The following TEAD1 variants were observed in gnomAD, a reference collection of about 807,000 sequenced individuals.
TEAD1 encodes transcriptional enhancer factor TEF-1.
TEAD1 carries 9 observed loss-of-function variants against 54.9 expected under a neutral mutation model. That is an observed-to-expected ratio of 0.16 (90% CI 0.10 to 0.29). TEAD1 has a LOEUF of 0.29. Ranked by LOEUF, TEAD1 falls within the 10% of genes least tolerant of loss-of-function variation. TEAD1 has a pLI of 1.00. For synonymous variants in TEAD1, 200 were observed against 187.8 expected, an observed-to-expected ratio of 1.07 and a Z score of -0.53; for missense variants, 387 against 535.9, an observed-to-expected ratio of 0.72 and a Z score of 2.74.
rs1421256677 is a variant in TEAD1 at position 12,903,048 on chromosome 11, G to A, written c.873+935G>A. Among the ~76,000 whole-genome samples, 40 of 152,144 alleles carry A rather than the reference G, an allele frequency of 2.6e-4. 2 individuals are homozygous for A. Among genetic ancestry groups the A allele is most frequent in the Admixed American group, 2.6e-3 (40 of 15,262 alleles). ...CCCTTCCTCTGGGCTCTGCCTCAGG[G>A]GGCCTTATTCATATAGTGGCTTCCT... On this transcript the variant is annotated intron_variant, in intron 10 of 12. Coordinates refer to ENST00000527636, the MANE Select transcript of TEAD1 (RefSeq NM_021961.6).
intron 3 of TEAD1, among the ~76,000 whole-genome samples, chr11:12,811,241 G>A (rs982017854): frequency 1.3e-5 from 2 of 152,216 alleles, no homozygotes; most frequent in African/African-American, 4.8e-5. Flanking sequence ...CACACATCCT[G>A]TGGATGGTGT....
chr11:12,916,927 G>A (rs1948723961), intron 10 of TEAD1, among the ~76,000 whole-genome samples: 1 of 152,196 alleles, frequency 6.6e-6, no homozygotes, highest in Admixed American at 6.5e-5. Context: ...TTACAGAAGT[G>A]TTCTTCGGTC....
intron 3 of TEAD1, among the ~76,000 whole-genome samples, chr11:12,852,589 A>G (rs934773651): frequency 6.6e-6 from 1 of 152,024 alleles, no homozygotes; most frequent in Non-Finnish European, 1.5e-5. Context: ...CTGGGATTAC[A>G]GGTGTGTGCC....
chr11:12,846,213 A>G (rs1009817861), intron 3 of TEAD1, among the ~76,000 whole-genome samples: 1 of 152,180 alleles, frequency 6.6e-6, no homozygotes, highest in Admixed American at 6.5e-5. Context: ...TCTGAACAAA[A>G]TGTTGCCTGC....
chr11:12,903,068 C>T (rs548151326), intron 10 of TEAD1, among the ~76,000 whole-genome samples: 2 of 152,254 alleles, frequency 1.3e-5, no homozygotes, highest in African/African-American at 4.8e-5. Context: ...CATATAGTGG[C>T]TTCCTTTTTT....
chr11:12,831,303 C>A (rs1482758828), intron 3 of TEAD1, among the ~76,000 whole-genome samples: 2 of 152,100 alleles, frequency 1.3e-5, no homozygotes, highest in African/African-American at 2.4e-5. Flanking sequence ...TTCTCCTGCC[C>A]CCTCTGCCAG....
At chr11:12,834,760 A>AT (rs2134022660) in intron 3 of TEAD1, among the ~76,000 whole-genome samples, 1 of 77,672 alleles carries the variant, frequency 1.3e-5, no homozygotes, top group South Asian at 3.5e-4. Flanking sequence ...CTCTGTGCCC[A>AT]CTCTTTTTTT....
chr11:12,818,178 G>A (rs1946455962), intron 3 of TEAD1, among the ~76,000 whole-genome samples: 2 of 152,178 alleles, frequency 1.3e-5, no homozygotes, highest in African/African-American at 2.4e-5. Context: ...GAATGGAATT[G>A]CATGCTTACT....
intron 3 of TEAD1, among the ~76,000 whole-genome samples, chr11:12,804,844 G>GC (rs1166020273): frequency 6.6e-6 from 1 of 152,172 alleles, no homozygotes; most frequent in African/African-American, 2.4e-5. Flanking sequence ...TCAGAGGGCA[G>GC]CACCCCAGAT....
At chr11:12,849,160 G>T (rs559779698) in intron 3 of TEAD1, 1 of 152,332 alleles carries the variant, frequency 6.6e-6, no homozygotes, top group Non-Finnish European at 1.5e-5. Flanking sequence ...CGATTCTCCT[G>T]CCTCAGCCTC....
At chr11:12,824,774 G>A (rs1191370785) in intron 3 of TEAD1, among the ~76,000 whole-genome samples, 3 of 152,154 alleles carry the variant, frequency 2.0e-5, no homozygotes, top group Non-Finnish European at 4.4e-5. Context: ...AGAGAGGGTT[G>A]ATGGGGCCGG....
chr11:12,689,166 C>T (rs1009669781), intron 2 of TEAD1, among the ~76,000 whole-genome samples: 1 of 152,134 alleles, frequency 6.6e-6, no homozygotes, highest in African/African-American at 2.4e-5. Context: ...ACCCTTTCTC[C>T]TCTGCTCTTA....
At chr11:12,909,664 G>A (rs1232726041) in intron 10 of TEAD1, among the ~76,000 whole-genome samples, 2 of 152,088 alleles carry the variant, frequency 1.3e-5, no homozygotes, top group Non-Finnish European at 2.9e-5. Context: ...AAACAAAAAA[G>A]CATCTTCTCC....
intron 2 of TEAD1, among the ~76,000 whole-genome samples, chr11:12,727,068 C>T (rs1481378819): frequency 2.0e-5 from 3 of 151,826 alleles, no homozygotes; most frequent in African/African-American, 4.8e-5. Flanking sequence ...GGTGAAACCC[C>T]GTCTCTACTA....
At chr11:12,875,154 C>T (rs1947829333) in intron 5 of TEAD1, among the ~76,000 whole-genome samples, 1 of 152,184 alleles carries the variant, frequency 6.6e-6, no homozygotes, top group Non-Finnish European at 1.5e-5. Context: ...GTGAAGACAT[C>T]TTAAAATTAG....
intron 2 of TEAD1, among the ~76,000 whole-genome samples, chr11:12,722,431 T>G (rs1944226504): frequency 6.6e-6 from 1 of 152,174 alleles, no homozygotes; most frequent in South Asian, 2.1e-4. Context: ...GAATAGGTCA[T>G]CCGGTAACAT....
chr11:12,829,421 G>A (rs1469432305), intron 3 of TEAD1, among the ~76,000 whole-genome samples: 3 of 152,108 alleles, frequency 2.0e-5, no homozygotes, highest in East Asian at 1.9e-4. Context: ...AGTATGCCTC[G>A]GAGCAACTGG....
At chr11:12,898,855 G>A (rs181395605) in intron 9 of TEAD1, among the ~76,000 whole-genome samples, 76 of 152,292 alleles carry the variant, frequency 5.0e-4, no homozygotes, top group African/African-American at 1.6e-3. Context: ...CAAGGCTTTC[G>A]TGCTTTACAC....
intron 9 of TEAD1, among the ~76,000 whole-genome samples, chr11:12,889,749 T>C (rs1948159911): frequency 6.6e-6 from 1 of 151,888 alleles, no homozygotes; most frequent in South Asian, 2.1e-4. Context: ...TGAGGCAGGG[T>C]CTCACTGCAT....
Sources: allele counts gnomAD v4.1 joint callset (sites outside exome capture counted in the v4.1 genomes callset), GRCh38; gene constraint gnomAD v4.1.1; transcripts MANE v1.5; gene names NCBI Gene and HGNC (gene_info 2026-07-23, HGNC 2026-07-21).